The following NUP214 variants were observed in gnomAD, a reference collection of about 807,000 sequenced individuals.
NUP214 encodes nuclear pore complex protein Nup214.
A neutral mutation model predicts 196.2 loss-of-function variants in NUP214; 79 were observed. The observed-to-expected ratio is 0.40, with a 90% CI of 0.34 to 0.49. NUP214 has a LOEUF of 0.49. NUP214 is among the 20% of genes least tolerant of loss of function. The pLI is 0.58. For missense variants in NUP214, 2,468 were observed against 2,539.0 expected (o/e 0.97, Z 0.60); for synonymous variants, 1,020 against 990.5 (o/e 1.03, Z -0.56).
intron 24 of NUP214, 191 bp from the exon 25 acceptor site, chr9:131,187,098 C>T: frequency 1.8e-6 from 1 of 567,484 alleles, no homozygotes; most frequent in East Asian, 2.9e-5. Context: ...GACTTTCATG[C>T]TAAAAACCCA....
rs1588127333 is a variant in NUP214, at chr9:131,140,428, A to G, written c.1133-121A>G. The G allele has an allele frequency of 7.8e-6, 6 of 765,396 alleles. No homozygotes were observed. In the East Asian group the frequency reaches 1.6e-4, roughly 20 times the overall value. The allele number at this position is 765,396 out of a possible 1,614,324, so 47.4% of individuals were successfully genotyped here. A position where few individuals can be genotyped will look rare whatever the true frequency, so the allele number is the denominator to read the frequency against. The stretch of plus-strand genomic sequence containing the variant: ...TCAGATATAAAATCAGAACAAACTA[A>G]CTTGAGCTGCTATTCAGATGAGTCC... On this transcript the variant is annotated intron_variant, in intron 10 of 35. Coordinates refer to ENST00000359428, the MANE Select transcript of NUP214 (RefSeq NM_005085.4).
intron 31 of NUP214, among the ~76,000 whole-genome samples, chr9:131,220,975 C>T (rs1834540270): frequency 6.6e-6 from 1 of 152,180 alleles, no homozygotes; most frequent in Admixed American, 6.5e-5. Flanking sequence ...AGATTCAACC[C>T]CAGTCTTGCC....
chr9:131,215,505 C>G, intron 31 of NUP214, 137 bp downstream of exon 31: 4 of 970,742 alleles, frequency 4.1e-6, no homozygotes, highest in Non-Finnish European at 5.7e-6. Flanking sequence ...TTCCCCAAAG[C>G]AGTGTGATCT....
chr9:131,180,409 C>T (rs1833240512), intron 24 of NUP214, among the ~76,000 whole-genome samples: 1 of 152,178 alleles, frequency 6.6e-6, no homozygotes, highest in South Asian at 2.1e-4. Flanking sequence ...GACTTGCTTT[C>T]AGATTCTTTT....
At chr9:131,151,196 A>G (rs1832250852) in intron 16 of NUP214, among the ~76,000 whole-genome samples, 1 of 152,254 alleles carries the variant, frequency 6.6e-6, no homozygotes, top group Non-Finnish European at 1.5e-5. Context: ...AATTATTGTA[A>G]CCATTATTAC....
intron 11 of NUP214, 88 bp from the exon 12 acceptor site, chr9:131,144,192 A>G (rs1483698503): frequency 1.0e-5 from 11 of 1,053,910 alleles, no homozygotes; most frequent in Non-Finnish European, 1.4e-5. Context: ...GCTTTATTCT[A>G]CCACAAATTC....
intron 10 of NUP214, among the ~76,000 whole-genome samples, 169 bp from the exon 11 acceptor site, chr9:131,140,380 A>G (rs754580415): frequency 6.6e-6 from 1 of 152,178 alleles, no homozygotes; most frequent in African/African-American, 2.4e-5. Flanking sequence ...CTCTCTTTAA[A>G]TAGCTGGTGC....
chr9:131,157,670 G>A (rs565997133), intron 17 of NUP214, among the ~76,000 whole-genome samples: 1 of 152,040 alleles, frequency 6.6e-6, no homozygotes, highest in South Asian at 2.1e-4. Context: ...TTTGGAGACA[G>A]GGTCTCACTC....
intron 21 of NUP214, among the ~76,000 whole-genome samples, chr9:131,166,791 T>C (rs1311504202): frequency 6.6e-6 from 1 of 152,170 alleles, no homozygotes; most frequent in African/African-American, 2.4e-5. Context: ...TTTTGTTATT[T>C]TTAATTTATT....
chr9:131,164,041 G>A lies in NUP214; in HGVS notation c.2810-20G>A. On this transcript the variant is annotated intron_variant, in intron 20 of 35. Transcript: ENST00000359428. ...AAAAACTGAGTCTTAATCATTTATG[G>A]GTTTATGGATTTCTTGCAGCCAAAC... 1 of 1,613,926 alleles carries A rather than the reference G, an allele frequency of 6.2e-7. No homozygotes were observed. Among genetic ancestry groups the A allele is most frequent in the Non-Finnish European group, 8.5e-7 (1 of 1,179,904 alleles).
intron 24 of NUP214, among the ~76,000 whole-genome samples, chr9:131,181,406 C>T (rs1304814053): frequency 6.6e-6 from 1 of 152,182 alleles, no homozygotes; most frequent in East Asian, 1.9e-4. Flanking sequence ...ATAGCTCAAA[C>T]TGGTTTACAG....
intron 24 of NUP214, among the ~76,000 whole-genome samples, chr9:131,181,718 G>A (rs1833283539): frequency 6.6e-6 from 1 of 152,084 alleles, no homozygotes. Context: ...TATATAATCT[G>A]TATTCAAGTC....
In NUP214 at chr9:131,144,623, C is replaced by G. The variant is rs1214348133; in HGVS notation, c.1638C>G (p.Phe546Leu). ...CTGTGGCTCCATCAGCTGCTTCATTCTCCTTTGGATCATCTGGTTTTAAGC... is the reference window on the plus strand; with the variant it reads ...CTGTGGCTCCATCAGCTGCTTCATTGTCCTTTGGATCATCTGGTTTTAAGC... ...ASPVAPSAAS[F>L]SFGSSGFKPT... The change falls in exon 12 of 36, where the codon TTC becomes TTG. Residue 546 changes from phenylalanine (F) to leucine (L), a missense_variant. Around this residue, in one of 5 missense-constraint regions of NUP214, gnomAD observed 1,801 missense variants for 1,779.4 expected, o/e 1.01. Coordinates refer to ENST00000359428, the MANE Select transcript of NUP214 (RefSeq NM_005085.4). 6.2e-7 allele frequency: 1 copy of G among 1,614,180 alleles called. No individual in the cohort carries two copies. The highest frequency in any genetic ancestry group is 1.7e-5 in the Admixed American group (1 of 60,016).
intron 17 of NUP214, 65 bp from the exon 18 acceptor site, chr9:131,159,318 T>C: frequency 9.0e-7 from 1 of 1,116,780 alleles, no homozygotes; most frequent in Non-Finnish European, 1.3e-6. Context: ...TTTGACTGTT[T>C]TGATACATCT....
intron 24 of NUP214, among the ~76,000 whole-genome samples, chr9:131,181,910 C>T (rs1038072023): frequency 2.0e-5 from 3 of 152,122 alleles, no homozygotes; most frequent in Non-Finnish European, 2.9e-5. Context: ...AGATTTACAC[C>T]GATGTTTTCT....
intron 14 of NUP214, among the ~76,000 whole-genome samples, chr9:131,149,562 C>T (rs7847081): frequency 2.2e-3 from 329 of 151,774 alleles, no homozygotes; most frequent in African/African-American, 7.7e-3. Flanking sequence ...AGCTCTGTCC[C>T]CCTGCTAGCA....
At chr9:131,183,214 A>G (rs1397787392) in intron 24 of NUP214, among the ~76,000 whole-genome samples, 1 of 152,074 alleles carries the variant, frequency 6.6e-6, no homozygotes, top group African/African-American at 2.4e-5. Context: ...CCTCCCTAGT[A>G]GCTGGGATTA....
intron 24 of NUP214, 60 bp downstream of exon 24, chr9:131,178,470 C>A: frequency 8.1e-7 from 1 of 1,231,134 alleles, no homozygotes; most frequent in Non-Finnish European, 1.2e-6. Flanking sequence ...CGGTGGACTG[C>A]CTGCAGGGAG....
intron 32 of NUP214, among the ~76,000 whole-genome samples, chr9:131,224,489 G>A (rs960240155): frequency 3.3e-5 from 5 of 152,196 alleles, no homozygotes; most frequent in African/African-American, 1.2e-4. Context: ...GCCCTCGTAT[G>A]CAGGGGATGC....
Sources: gnomAD v4.1 joint callset for allele counts (sites outside exome capture counted in the v4.1 genomes callset) on GRCh38, gnomAD v4.1.1 for gene constraint, gnomAD v4.1.1 regional missense constraint, MANE v1.5 for transcripts, NCBI Gene and HGNC (gene_info 2026-07-23, HGNC 2026-07-21) for gene names.